COL19A1: variants seen among roughly 807,000 people sequenced by gnomAD.
COL19A1 encodes the protein collagen type XIX alpha 1 chain.
COL19A1 carries 159 observed loss-of-function variants against 190.2 expected under a neutral mutation model. That is an observed-to-expected ratio of 0.84 (90% CI 0.73 to 0.95). COL19A1 has a LOEUF of 0.95. Among genes scored for constraint, COL19A1 ranks in the 40% least tolerant of loss-of-function variants. The probability of loss-of-function intolerance (pLI) is 0.00; values close to 1 mark genes in which losing one functional copy is unlikely to be tolerated. For missense variants in COL19A1, 1,418 were observed against 1,431.9 expected, an observed-to-expected ratio of 0.99 and a Z score of 0.16; for synonymous variants, 509 against 458.9, an observed-to-expected ratio of 1.11 and a Z score of -1.39.
At chr6:70,133,987 G>A (rs998537906) in intron 18 of COL19A1, among the ~76,000 whole-genome samples, 31 of 152,262 alleles carry the variant, frequency 2.0e-4, no homozygotes, top group African/African-American at 6.5e-4. Flanking sequence ...ATTTCACCAT[G>A]TACATTGTCC....
intron 12 of COL19A1, among the ~76,000 whole-genome samples, chr6:70,024,058 T>C (rs942833495): frequency 6.6e-5 from 10 of 152,184 alleles, no homozygotes; most frequent in African/African-American, 7.2e-5. Context: ...GCGTCTGTAT[T>C]GGTAGGCTTT....
intron 49 of COL19A1, among the ~76,000 whole-genome samples, chr6:70,201,754 T>C (rs1767568210): frequency 6.6e-6 from 1 of 152,220 alleles, no homozygotes; most frequent in Non-Finnish European, 1.5e-5. Flanking sequence ...GGAATATGTG[T>C]TTCTTAAAAA....
Position 70,207,168 on chromosome 6 carries a change from C to A in COL19A1, c.3323C>A (p.Pro1108Gln). Reference protein sequence around the residue: ...GTSALGLPGSPGAPGPQGPPG... With the variant: ...GTSALGLPGSQGAPGPQGPPG... ...TTAGCTCTGGGTTTGCCAGGCTCAC[C>A]AGGTGCCCCAGGCCCACAGGGCCCC... Residue 1108 changes from proline (P) to glutamine (Q), a missense_variant, in exon 51 of 51, where the codon CCA becomes CAA. Coordinates refer to ENST00000620364, the MANE Select transcript of COL19A1 (RefSeq NM_001858.6). 1 of 1,613,592 alleles carries A rather than the reference C, an allele frequency of 6.2e-7. No individual in the cohort carries two copies. Among genetic ancestry groups the A allele is most frequent in the South Asian group, 1.1e-5 (1 of 91,040 alleles).
intron 15 of COL19A1, among the ~76,000 whole-genome samples, chr6:70,080,153 A>G (rs912715068): frequency 1.3e-5 from 2 of 152,242 alleles, no homozygotes; most frequent in African/African-American, 4.8e-5. Context: ...TCATATAGAA[A>G]GAATTTTTTA....
intron 15 of COL19A1, among the ~76,000 whole-genome samples, chr6:70,087,259 G>A (rs1224123415): frequency 1.3e-5 from 2 of 152,202 alleles, no homozygotes; most frequent in Non-Finnish European, 2.9e-5. Context: ...TAGTGTGGTT[G>A]ATGGTGATAC....
Position 70,102,869 on chromosome 6 carries a change from A to C in COL19A1, c.1278+647A>C, listed in dbSNP as rs544032892. On this transcript the variant is annotated intron_variant, in intron 16 of 50. Transcript: ENST00000620364. ...ATTGCAGATTCCCTGAGCACTTTTC[A>C]GGCTTCTTCTTACTTTACTGCTACA... 2.0e-3 allele frequency among the ~76,000 whole-genome samples: 304 copies of C among 152,170 alleles called. 1 individual carries two copies. The highest frequency in any genetic ancestry group is 3.5e-3 in the Non-Finnish European group (241 of 68,000).
Position 70,102,189 on chromosome 6 carries a change from A to AC in COL19A1, c.1247dup (p.Pro417SerfsTer27). On this transcript the variant is annotated frameshift_variant, in exon 16 of 51. Transcript: ENST00000620364. LOFTEE classifies it high-confidence loss of function. ...TCAAGGGAAGACGAGGGAAAACAGG[A>AC]CCTCCCGGAAAACCAGGACCCCCAG... 3 of 1,612,642 alleles carry AC rather than the reference A, an allele frequency of 1.9e-6. No individual in the cohort carries two copies. Among genetic ancestry groups the AC allele is most frequent in the Non-Finnish European group, 2.5e-6 (3 of 1,178,824 alleles).
chr6:70,027,414 A>G (rs1239055090), intron 12 of COL19A1, among the ~76,000 whole-genome samples: 1 of 152,208 alleles, frequency 6.6e-6, no homozygotes, highest in Non-Finnish European at 1.5e-5. Context: ...TTGGCAAGAC[A>G]GTTCTTTTTC....
chr6:70,205,270 A>C (rs773517571), intron 49 of COL19A1, among the ~76,000 whole-genome samples: 1 of 152,232 alleles, frequency 6.6e-6, no homozygotes. Flanking sequence ...TACATTGCCA[A>C]TGTTGTTCAG....
intron 14 of COL19A1, among the ~76,000 whole-genome samples, chr6:70,064,776 A>T (rs1232174729): frequency 6.6e-6 from 1 of 152,156 alleles, no homozygotes; most frequent in Non-Finnish European, 1.5e-5. Context: ...CAGGATACAA[A>T]ATGTGCAAAA....
intron 12 of COL19A1, among the ~76,000 whole-genome samples, chr6:70,026,374 T>C (rs1337124620): frequency 6.6e-6 from 1 of 152,212 alleles, no homozygotes; most frequent in Non-Finnish European, 1.5e-5. Context: ...GCAGTGTGAA[T>C]GTCTATCCCT....
chr6:70,031,203 C>T (rs1387559770), intron 12 of COL19A1, among the ~76,000 whole-genome samples: 1 of 151,996 alleles, frequency 6.6e-6, no homozygotes, highest in Non-Finnish European at 1.5e-5. Flanking sequence ...CTTTTTCCCT[C>T]TGCCCCCACA....
chr6:70,112,841 A>G (rs1784358216), intron 16 of COL19A1, among the ~76,000 whole-genome samples: 1 of 152,188 alleles, frequency 6.6e-6, no homozygotes, highest in African/African-American at 2.4e-5. Context: ...TCATACAACC[A>G]TAAACGGCCT....
chr6:70,149,315 G>A (rs989028810), intron 27 of COL19A1, among the ~76,000 whole-genome samples: 18 of 152,056 alleles, frequency 1.2e-4, no homozygotes, highest in African/African-American at 4.1e-4. Context: ...ACTGTTTCTG[G>A]TGATTTATTC....
At chr6:69,868,092 C>T (rs950201072) in intron 1 of COL19A1, among the ~76,000 whole-genome samples, 1 of 151,388 alleles carries the variant, frequency 6.6e-6, no homozygotes, top group Non-Finnish European at 1.5e-5. Flanking sequence ...AACAAACGCA[C>T]ACCAGTATCT....
intron 14 of COL19A1, 129 bp downstream of exon 14, chr6:70,036,068 G>C (rs942447047): frequency 2.5e-6 from 2 of 809,272 alleles, no homozygotes; most frequent in Non-Finnish European, 4.1e-6. Context: ...AGTACATGTA[G>C]TCAAACCTCC....
intron 11 of COL19A1, among the ~76,000 whole-genome samples, chr6:70,023,131 C>CT (rs1419955153): frequency 9.8e-5 from 14 of 142,270 alleles, no homozygotes; most frequent in South Asian, 4.4e-4. Context: ...TTTTATGCAG[C>CT]TATTTTTTTT....
intron 31 of COL19A1, 143 bp from the exon 32 acceptor site, chr6:70,155,984 A>G: frequency 1.7e-6 from 1 of 592,670 alleles, no homozygotes; most frequent in Non-Finnish European, 2.9e-6. Flanking sequence ...TTTAAATTGG[A>G]TACATCAAGT....
chr6:70,178,979 A>G (rs1206308978), intron 42 of COL19A1, among the ~76,000 whole-genome samples: 1 of 152,144 alleles, frequency 6.6e-6, no homozygotes, highest in Non-Finnish European at 1.5e-5. Flanking sequence ...AATGACTTCC[A>G]TCAATGTCCC....
Sources: allele counts gnomAD v4.1 joint callset (sites outside exome capture counted in the v4.1 genomes callset), GRCh38; gene constraint gnomAD v4.1.1; transcripts MANE v1.5; gene names NCBI Gene and HGNC (gene_info 2026-07-23, HGNC 2026-07-21).